The following AOAH variants were observed in gnomAD, a reference collection of about 807,000 sequenced individuals.
AOAH encodes the protein acyloxyacyl hydrolase (neutrophil).
A neutral mutation model predicts 92.2 loss-of-function variants in AOAH; 64 were observed. The ratio of observed to expected loss-of-function variants is 0.69; its 90% confidence interval spans 0.57 to 0.86. The LOEUF (loss-of-function observed/expected upper bound fraction) is 0.86, where lower values mean the gene tolerates loss of function less well. AOAH is among the 40% of genes least tolerant of loss of function. AOAH has a pLI of 0.00. For missense variants in AOAH, 656 were observed against 694.6 expected (o/e 0.94, Z 0.62); for synonymous variants, 263 against 254.5 (o/e 1.03, Z -0.32).
At chr7:36,573,105 TA>T (rs1158248963) in intron 13 of AOAH, among the ~76,000 whole-genome samples, 1 of 152,222 alleles carries the variant, frequency 6.6e-6, no homozygotes, top group African/African-American at 2.4e-5. Context: ...CAGTCTACTT[TA>T]TACCCCAAGG....
intron 13 of AOAH, among the ~76,000 whole-genome samples, chr7:36,561,579 G>T (rs1166328536): frequency 1.3e-5 from 2 of 149,368 alleles, no homozygotes; most frequent in South Asian, 4.2e-4. Flanking sequence ...ACACGCATCG[G>T]CTGGGCCCTT....
intron 6 of AOAH, among the ~76,000 whole-genome samples, chr7:36,630,442 G>C (rs1792991772): frequency 6.6e-6 from 1 of 152,176 alleles, no homozygotes; most frequent in Admixed American, 6.5e-5. Flanking sequence ...ATATCTCACG[G>C]CTAAAGAACA....
At chr7:36,663,503 G>A (rs993061343) in intron 3 of AOAH, among the ~76,000 whole-genome samples, 2 of 152,068 alleles carry the variant, frequency 1.3e-5, no homozygotes, top group Admixed American at 6.5e-5. Flanking sequence ...TGGTAACCAC[G>A]GATATCTTTG....
Position 36,724,455 on chromosome 7 carries a change from A to C in AOAH, c.-307T>G, listed in dbSNP as rs1471947591. On this transcript the variant is annotated 5_prime_UTR_variant, in exon 1 of 21. Transcript: ENST00000617537. ...AAGACTGCAGGATAAAGAAAACCCA[A>C]GTTGCACAGTGGCACAACTTCCGTG... 4.2e-6 allele frequency: 1 copy of C among 240,316 alleles called. No homozygotes were observed. Among genetic ancestry groups the C allele is most frequent in the Non-Finnish European group, 8.6e-6 (1 of 116,322 alleles). 14.9% of individuals were successfully genotyped at this position (240,316 alleles called of 1,614,324 possible).
chr7:36,679,187 A>C (rs891017965), intron 2 of AOAH, among the ~76,000 whole-genome samples: 1 of 152,114 alleles, frequency 6.6e-6, no homozygotes, highest in African/African-American at 2.4e-5. Context: ...TTCCTTTCTC[A>C]TAAGAATCTT....
At chr7:36,587,639 T>C (rs1039870991) in intron 12 of AOAH, among the ~76,000 whole-genome samples, 3 of 152,190 alleles carry the variant, frequency 2.0e-5, no homozygotes, top group Non-Finnish European at 4.4e-5. Flanking sequence ...TATAAAAAAA[T>C]CATTTTTGTT....
chr7:36,646,146 A>C (rs1389112561), intron 4 of AOAH, among the ~76,000 whole-genome samples: 3 of 152,224 alleles, frequency 2.0e-5, no homozygotes, highest in Non-Finnish European at 2.9e-5. Context: ...CTATGCTTCA[A>C]GTTCTATACC....
chr7:36,622,854 T>G (rs2392457), intron 7 of AOAH, among the ~76,000 whole-genome samples: 10 of 152,166 alleles, frequency 6.6e-5, no homozygotes, highest in African/African-American at 2.4e-4. Flanking sequence ...GAGACCAGCC[T>G]GGCCAACATG....
intron 1 of AOAH, among the ~76,000 whole-genome samples, chr7:36,721,198 A>C (rs188268589): frequency 6.6e-6 from 1 of 152,266 alleles, no homozygotes; most frequent in East Asian, 1.9e-4. Flanking sequence ...TCTCAAAATT[A>C]CAGCCCTCCC....
chr7:36,593,224 C>T (rs2727802), intron 12 of AOAH, among the ~76,000 whole-genome samples: 64,081 of 152,094 alleles, frequency 0.42, 13,823 homozygotes, highest in Middle Eastern at 0.52. Flanking sequence ...CCCTATCTAC[C>T]TTTAAATGGA....
At chr7:36,677,174 G>C (rs910267329) in intron 2 of AOAH, among the ~76,000 whole-genome samples, 1 of 152,110 alleles carries the variant, frequency 6.6e-6, no homozygotes. Context: ...GAAAATTTTT[G>C]CCAATCATAT....
chr7:36,557,630 C>G lies in AOAH; in HGVS notation c.1022-8155G>C, dbSNP rs1196020853. 2.0e-5 allele frequency among the ~76,000 whole-genome samples: 3 copies of G among 148,028 alleles called. No homozygotes were observed. The East Asian group carries it at 6.0e-4, about 29-fold the overall frequency. On this transcript the variant is annotated intron_variant, in intron 13 of 20. Transcript: ENST00000617537. Reference sequence around the variant, plus strand: ...GTCACTTTCAGGTACACCAATCAGACGTAGATTTGGTCTTTTCACATAGTC... The same window carrying G: ...GTCACTTTCAGGTACACCAATCAGAGGTAGATTTGGTCTTTTCACATAGTC...
chr7:36,596,041 C>T (rs576288699), intron 11 of AOAH, among the ~76,000 whole-genome samples: 121 of 152,154 alleles, frequency 8.0e-4, no homozygotes, highest in Non-Finnish European at 1.4e-3. Context: ...CTAGAGGCTG[C>T]GAGGGAAAGA....
intron 5 of AOAH, among the ~76,000 whole-genome samples, chr7:36,637,476 A>T (rs575672120): frequency 5.7e-4 from 86 of 152,180 alleles, no homozygotes; most frequent in African/African-American, 2.0e-3. Context: ...TTTGCCTTCC[A>T]GGGGACATTT....
chr7:36,515,391 C>T (rs1424773777), intron 20 of AOAH, among the ~76,000 whole-genome samples: 2 of 123,204 alleles, frequency 1.6e-5, no homozygotes, highest in Non-Finnish European at 1.7e-5. Context: ...CCCCTCACAA[C>T]CCCACACCAC....
chr7:36,663,342 TA>T (rs1318479415), intron 3 of AOAH, among the ~76,000 whole-genome samples: 10 of 152,218 alleles, frequency 6.6e-5, no homozygotes, highest in Admixed American at 1.3e-4. Flanking sequence ...TAGTTCACCT[TA>T]AGGTTCACTC....
At chr7:36,647,727 C>A (rs778266653) in intron 4 of AOAH, among the ~76,000 whole-genome samples, 3 of 152,088 alleles carry the variant, frequency 2.0e-5, no homozygotes, top group Non-Finnish European at 4.4e-5. Flanking sequence ...AACAAAAATA[C>A]AGCTTTGAAT....
At chr7:36,698,644 A>G (rs939902794) in intron 1 of AOAH, among the ~76,000 whole-genome samples, 1 of 152,084 alleles carries the variant, frequency 6.6e-6, no homozygotes, top group Non-Finnish European at 1.5e-5. Flanking sequence ...AGACCAAACT[A>G]TTTTCTAATT....
chr7:36,571,882 T>A (rs1340688779), intron 13 of AOAH, among the ~76,000 whole-genome samples: 1 of 152,176 alleles, frequency 6.6e-6, no homozygotes. Context: ...TCTTAAAAAT[T>A]TTTGAAGTTG....
Sources: allele counts gnomAD v4.1 joint callset (sites outside exome capture counted in the v4.1 genomes callset), GRCh38; gene constraint gnomAD v4.1.1; transcripts MANE v1.5; gene names NCBI Gene and HGNC (gene_info 2026-07-23, HGNC 2026-07-21).